FBXL17: variants seen among roughly 807,000 people sequenced by gnomAD.
FBXL17 encodes the protein F-box/LRR-repeat protein 17.
Under a neutral mutation model 66.2 loss-of-function variants are expected in FBXL17, and 22 were observed. The observed-to-expected ratio is 0.33, with a 90% CI of 0.24 to 0.47. FBXL17 has a LOEUF of 0.47. FBXL17 is among the 20% of genes least tolerant of loss of function. FBXL17 has a pLI of 1.00. For synonymous variants in FBXL17, 474 were observed against 400.5 expected (o/e 1.18, Z -2.19); for missense variants, 878 against 948.2 (o/e 0.93, Z 0.97).
chr5:108,262,054 TTTTATTTA>T (rs1216863257), intron 4 of FBXL17, among the ~76,000 whole-genome samples: 1 of 112,006 alleles, frequency 8.9e-6, no homozygotes, highest in Non-Finnish European at 2.1e-5. Context: ...GTGATACATA[TTTTATTTA>T]TTTATTTATT....
rs566586480 is a variant in FBXL17 at position 107,957,993 on chromosome 5, GTCCAAGTAA to G, written c.1822+62923_1822+62931del. Among the ~76,000 whole-genome samples the G allele has an allele frequency of 3.1e-3, 472 of 152,216 alleles. 5 individuals carry two copies. Among genetic ancestry groups the G allele is most frequent in the Middle Eastern group, 0.017 (5 of 294 alleles). On this transcript the variant is annotated intron_variant, in intron 7 of 8. Coordinates refer to ENST00000542267, the MANE Select transcript of FBXL17 (RefSeq NM_001163315.3). ...TTCTGTGCAGGGAGTGAGGCCCAGT[GTCCAAGTAA>G]TACATCGTTAATTGTTGACACGGCA...
chr5:108,077,066 G>C (rs1748580723), intron 6 of FBXL17, among the ~76,000 whole-genome samples: 1 of 151,852 alleles, frequency 6.6e-6, no homozygotes, highest in Non-Finnish European at 1.5e-5. Context: ...AGTTATTTTG[G>C]GACCTCAAAA....
chr5:108,326,589 C>T (rs1050790137), intron 4 of FBXL17, among the ~76,000 whole-genome samples: 5 of 151,544 alleles, frequency 3.3e-5, no homozygotes, highest in African/African-American at 9.7e-5. Flanking sequence ...GGTGACAGAG[C>T]GACAGAGCAA....
At chr5:107,905,174 T>C (rs556872597) in intron 7 of FBXL17, among the ~76,000 whole-genome samples, 1 of 152,116 alleles carries the variant, frequency 6.6e-6, no homozygotes, top group Non-Finnish European at 1.5e-5. Flanking sequence ...TGAGAAAAAT[T>C]TGAATAGATG....
intron 6 of FBXL17, among the ~76,000 whole-genome samples, chr5:108,093,024 A>G (rs1487444257): frequency 1.3e-5 from 2 of 152,146 alleles, no homozygotes; most frequent in African/African-American, 4.8e-5. Flanking sequence ...ACTTAGACCA[A>G]TAACAAAATT....
At chr5:107,880,550 C>T (rs1048273285) in intron 8 of FBXL17, 18 of 1,012,716 alleles carry the variant, frequency 1.8e-5, no homozygotes, top group African/African-American at 5.2e-5. Context: ...TTCCCACATA[C>T]CCCCTTACTG....
At chr5:108,356,630 A>C (rs527706171) in intron 3 of FBXL17, among the ~76,000 whole-genome samples, 2 of 152,236 alleles carry the variant, frequency 1.3e-5, no homozygotes, top group South Asian at 4.1e-4. Context: ...GAGTTTACAA[A>C]GACAATAAAA....
At chr5:108,226,746 A>C (rs1755117759) in intron 4 of FBXL17, among the ~76,000 whole-genome samples, 1 of 152,178 alleles carries the variant, frequency 6.6e-6, no homozygotes, top group South Asian at 2.1e-4. Context: ...GTCTGAATAG[A>C]ATAAAAAGTC....
intron 6 of FBXL17, among the ~76,000 whole-genome samples, chr5:108,118,120 T>C (rs1287969642): frequency 1.3e-5 from 2 of 152,198 alleles, no homozygotes; most frequent in Non-Finnish European, 1.5e-5. Flanking sequence ...AGCCACTGTT[T>C]GTGCTTTCCT....
chr5:108,131,748 T>A (rs17442864), intron 6 of FBXL17, among the ~76,000 whole-genome samples: 23,040 of 152,116 alleles, frequency 0.15, 1,809 homozygotes, highest in Admixed American at 0.17. Context: ...ATGGCTACAG[T>A]AATTATGGTT....
chr5:108,339,097 T>C (rs1304226801), intron 4 of FBXL17, among the ~76,000 whole-genome samples: 1 of 152,196 alleles, frequency 6.6e-6, no homozygotes, highest in African/African-American at 2.4e-5. Flanking sequence ...CTACAGTTTG[T>C]AAACTATATT....
chr5:108,264,580 T>C (rs1364545540), intron 4 of FBXL17, among the ~76,000 whole-genome samples: 1 of 152,134 alleles, frequency 6.6e-6, no homozygotes, highest in African/African-American at 2.4e-5. Flanking sequence ...AAAATGAAAA[T>C]AGATTTCAAT....
In FBXL17 at chr5:108,340,340, C is replaced by T. The variant is rs374970185; in HGVS notation, c.1506+8059G>A. Among the ~76,000 whole-genome samples, 105 of 150,704 alleles carry T rather than the reference C, an allele frequency of 7.0e-4. 2 individuals are homozygous for T. In the South Asian group the frequency reaches 0.018, roughly 25 times the overall value. ...CCAAGGCAGGAGAATCGCTTGAGCC[C>T]GGGAGTTCGAGACCAGCCTGGGCAA... On this transcript the variant is annotated intron_variant, in intron 4 of 8. Coordinates refer to ENST00000542267, the MANE Select transcript of FBXL17 (RefSeq NM_001163315.3).
At chr5:107,977,358 T>C (rs1164621584) in intron 7 of FBXL17, among the ~76,000 whole-genome samples, 1 of 152,248 alleles carries the variant, frequency 6.6e-6, no homozygotes, top group Non-Finnish European at 1.5e-5. Context: ...AGTGCCCTAC[T>C]ATAATGCTAG....
chr5:108,179,371 G>A (rs1752913519), intron 6 of FBXL17, among the ~76,000 whole-genome samples: 1 of 151,862 alleles, frequency 6.6e-6, no homozygotes, highest in South Asian at 2.1e-4. Flanking sequence ...TGAAAGGGGT[G>A]GTGGAGTAAT....
chr5:108,372,066 T>C (rs753341407), intron 1 of FBXL17, among the ~76,000 whole-genome samples: 28 of 152,204 alleles, frequency 1.8e-4, no homozygotes, highest in Non-Finnish European at 3.4e-4. Context: ...GCTGTAAGCC[T>C]CTGCACAGCT....
In FBXL17 at chr5:107,882,192, T is replaced by C. The variant is rs561978803; in HGVS notation, c.1823-1013A>G. On this transcript the variant is annotated intron_variant, in intron 7 of 8. Coordinates refer to ENST00000542267, the MANE Select transcript of FBXL17 (RefSeq NM_001163315.3). ...TTCTGATAATTTCCTCATTCTAAGATAGCATAAGTTGATTTCTGTGACAAT... is the reference window on the plus strand; with the variant it reads ...TTCTGATAATTTCCTCATTCTAAGACAGCATAAGTTGATTTCTGTGACAAT... Among the ~76,000 whole-genome samples, 144 of 152,326 alleles carry C rather than the reference T, an allele frequency of 9.5e-4. 1 individual carries two copies. Among genetic ancestry groups the C allele is most frequent in the Middle Eastern group, 3.4e-3 (1 of 294 alleles).
intron 7 of FBXL17, among the ~76,000 whole-genome samples, chr5:107,968,248 C>T (rs926650890): frequency 1.3e-5 from 2 of 152,010 alleles, no homozygotes; most frequent in Non-Finnish European, 2.9e-5. Context: ...TCTAATATGA[C>T]ACAGCTATAA....
intron 6 of FBXL17, among the ~76,000 whole-genome samples, chr5:108,136,944 T>C (rs1351470491): frequency 1.3e-5 from 2 of 152,182 alleles, no homozygotes; most frequent in East Asian, 1.9e-4. Flanking sequence ...TAAAATTGTA[T>C]ATTTAAAGAA....
Sources: allele counts gnomAD v4.1 joint callset (sites outside exome capture counted in the v4.1 genomes callset), GRCh38; gene constraint gnomAD v4.1.1; transcripts MANE v1.5; gene names NCBI Gene and HGNC (gene_info 2026-07-23, HGNC 2026-07-21).